Variants in PDZRN3 observed in about 807,000 individuals in gnomAD.
The protein encoded by PDZRN3 is E3 ubiquitin-protein ligase PDZRN3.
PDZRN3 carries 38 observed loss-of-function variants against 85.7 expected under a neutral mutation model. That is an observed-to-expected ratio of 0.44 (90% CI 0.34 to 0.58). PDZRN3 has a LOEUF of 0.58. PDZRN3 is among the 20% of genes least tolerant of loss of function. PDZRN3 has a pLI of 0.01. For missense variants in PDZRN3, 1,629 were observed against 1,506.4 expected (o/e 1.08, Z -1.35); for synonymous variants, 759 against 638.0 (o/e 1.19, Z -2.86).
At chr3:73,584,508 T>C (rs1014788100) in intron 3 of PDZRN3, among the ~76,000 whole-genome samples, 1 of 147,944 alleles carries the variant, frequency 6.8e-6, no homozygotes, top group African/African-American at 2.5e-5. Context: ...TGTATGCATA[T>C]GCGTTGTGGA....
At chr3:73,540,779 T>C (rs1484149778) in intron 3 of PDZRN3, among the ~76,000 whole-genome samples, 1 of 152,194 alleles carries the variant, frequency 6.6e-6, no homozygotes, top group Non-Finnish European at 1.5e-5. Context: ...CAGTTCTTTA[T>C]GGCAGCATGA....
At chr3:73,599,735 C>G (rs1277206094) in intron 3 of PDZRN3, among the ~76,000 whole-genome samples, 2 of 152,204 alleles carry the variant, frequency 1.3e-5, no homozygotes, top group African/African-American at 4.8e-5. Flanking sequence ...AAATTCACAT[C>G]CTGTACGGCA....
chr3:73,623,372 T>C (rs1413536016), intron 1 of PDZRN3, among the ~76,000 whole-genome samples: 4 of 152,180 alleles, frequency 2.6e-5, no homozygotes, highest in African/African-American at 9.7e-5. Context: ...ACTTTATACT[T>C]GTTGGGGGCA....
intron 3 of PDZRN3, among the ~76,000 whole-genome samples, chr3:73,538,082 G>C (rs1386819806): frequency 6.6e-6 from 1 of 152,124 alleles, no homozygotes; most frequent in Non-Finnish European, 1.5e-5. Context: ...AGACTCCATG[G>C]AGCACATTTA....
intron 3 of PDZRN3, among the ~76,000 whole-genome samples, chr3:73,422,805 T>C (rs1702231054): frequency 6.6e-6 from 1 of 152,172 alleles, no homozygotes; most frequent in Non-Finnish European, 1.5e-5. Flanking sequence ...AGGGAGAGAT[T>C]AGACAGACAT....
At chr3:73,492,840 T>C (rs1380197543) in intron 3 of PDZRN3, among the ~76,000 whole-genome samples, 1 of 152,198 alleles carries the variant, frequency 6.6e-6, no homozygotes, top group Non-Finnish European at 1.5e-5. Flanking sequence ...AATTACCTAA[T>C]CTGATCATTA....
chr3:73,602,599 A>C, intron 2 of PDZRN3, 138 bp from the exon 3 acceptor site: 1 of 586,924 alleles, frequency 1.7e-6, no homozygotes, highest in Non-Finnish European at 3.0e-6. Flanking sequence ...TGTTTCTCCT[A>C]ATTTCTGTTT....
Position 73,624,284 on chromosome 3 carries a change from T to A in PDZRN3, c.542A>T (p.His181Leu), listed in dbSNP as rs756567420. 7.2e-7 allele frequency: 1 copy of A among 1,379,422 alleles called. No individual in the cohort carries two copies. Among genetic ancestry groups the A allele is most frequent in the Non-Finnish European group, 9.3e-7 (1 of 1,074,932 alleles). 85.4% of individuals were successfully genotyped at this position (1,379,422 alleles called of 1,614,324 possible). A position where few individuals can be genotyped will look rare whatever the true frequency, so the allele number is the denominator to read the frequency against. Residue 181 changes from histidine to leucine, a missense_variant, in exon 1 of 10, where the codon CAC becomes CTC. Transcript: ENST00000263666. The part of the protein sequence containing the change: ...GALQARLGAL[H>L]KALKKEALRA... ...CAGCGCCTCCTTCTTGAGCGCCTTG[T>A]GCAGCGCGCCCAGGCGGGCCTGGAG... is the stretch of plus-strand genomic sequence containing the variant.
chr3:73,593,868 C>T (rs965035251), intron 3 of PDZRN3: 1 of 152,004 alleles, frequency 6.6e-6, no homozygotes, highest in Admixed American at 6.6e-5. Context: ...GCATTTTTCC[C>T]CTGCAAAGAC....
Position 73,606,565 on chromosome 3 carries a change from C to T in PDZRN3, c.810+2033G>A, listed in dbSNP as rs577560204. On this transcript the variant is annotated intron_variant, in intron 2 of 9. Transcript: ENST00000263666. ...GGTAAAAGGAAAAAATAAAAATATA[C>T]CAACCTCACGCGGTTCTATAGTTTT... Among the ~76,000 whole-genome samples the T allele has an allele frequency of 3.3e-5, 5 of 152,268 alleles. No individual in the cohort carries two copies. In the South Asian group the frequency reaches 8.3e-4, roughly 25 times the overall value.
intron 3 of PDZRN3, among the ~76,000 whole-genome samples, chr3:73,424,482 C>T (rs923132310): frequency 7.6e-6 from 1 of 132,130 alleles, no homozygotes; most frequent in African/African-American, 2.9e-5. Flanking sequence ...CCAGAGCTTG[C>T]AGTAAGCTGA....
intron 3 of PDZRN3, among the ~76,000 whole-genome samples, chr3:73,570,627 A>C (rs1702032874): frequency 6.6e-6 from 1 of 152,140 alleles, no homozygotes; most frequent in African/African-American, 2.4e-5. Context: ...GGCTGCCTAG[A>C]TTCAGGTTTC....
At chr3:73,450,308 A>G (rs1467366127) in intron 3 of PDZRN3, among the ~76,000 whole-genome samples, 4 of 152,196 alleles carry the variant, frequency 2.6e-5, no homozygotes, top group Admixed American at 2.6e-4. Flanking sequence ...AAACATTCTC[A>G]AGCCCTTGTT....
At chr3:73,431,437 CT>C (rs1702428988) in intron 3 of PDZRN3, among the ~76,000 whole-genome samples, 1 of 152,180 alleles carries the variant, frequency 6.6e-6, no homozygotes, top group Non-Finnish European at 1.5e-5. Flanking sequence ...CCTCTTTGTG[CT>C]GCTGTTACGA....
chr3:73,447,718 A>G (rs540664260), intron 3 of PDZRN3, among the ~76,000 whole-genome samples: 2 of 152,298 alleles, frequency 1.3e-5, no homozygotes, highest in East Asian at 1.9e-4. Flanking sequence ...TTGCAGTCCA[A>G]AAAGATTACT....
At chr3:73,608,296 G>A (rs1466337978) in intron 2 of PDZRN3, among the ~76,000 whole-genome samples, 3 of 152,144 alleles carry the variant, frequency 2.0e-5, no homozygotes, top group African/African-American at 7.2e-5. Context: ...CACATCTCAC[G>A]CAACTTCATT....
chr3:73,415,151 A>T (rs1185790598), intron 3 of PDZRN3, among the ~76,000 whole-genome samples: 2 of 152,180 alleles, frequency 1.3e-5, no homozygotes, highest in African/African-American at 4.8e-5. Flanking sequence ...AAGGAGAAGG[A>T]TGCTAGGAAT....
chr3:73,537,186 A>T (rs573438205), intron 3 of PDZRN3, among the ~76,000 whole-genome samples: 19 of 152,258 alleles, frequency 1.2e-4, no homozygotes, highest in African/African-American at 4.6e-4. Flanking sequence ...CCTGCCCCAT[A>T]AAAATCTCCC....
At chr3:73,519,523 T>C (rs1027481738) in intron 3 of PDZRN3, among the ~76,000 whole-genome samples, 3 of 152,328 alleles carry the variant, frequency 2.0e-5, no homozygotes, top group Non-Finnish European at 1.5e-5. Flanking sequence ...ATGGGCTTCA[T>C]GGAGAGTTCA....
Sources: allele counts gnomAD v4.1 joint callset (sites outside exome capture counted in the v4.1 genomes callset), GRCh38; gene constraint gnomAD v4.1.1; transcripts MANE v1.5; gene names NCBI Gene and HGNC (gene_info 2026-07-23, HGNC 2026-07-21).